The following MYPN variants were observed in gnomAD, a reference collection of about 807,000 sequenced individuals.
The protein encoded by MYPN is sarcomeric protein myopalladin, 145 kDa (MYOP).
A neutral mutation model predicts 129.4 loss-of-function variants in MYPN; 63 were observed. The ratio of observed to expected loss-of-function variants is 0.49; its 90% CI spans 0.40 to 0.60. The LOEUF (loss-of-function observed/expected upper bound fraction) is 0.60. Among genes scored for constraint, MYPN ranks in the 20% least tolerant of loss-of-function variants. The probability of loss-of-function intolerance (pLI) is 0.00; values close to 1 mark genes in which losing one functional copy is unlikely to be tolerated. For synonymous variants in MYPN, 629 were observed against 600.9 expected (o/e 1.05, Z -0.68); for missense variants, 1,596 against 1,635.4 (o/e 0.98, Z 0.42).
At chr10:68,141,531 T>A (rs2042579149) in intron 2 of MYPN, among the ~76,000 whole-genome samples, 1 of 151,994 alleles carries the variant, frequency 6.6e-6, no homozygotes, top group Non-Finnish European at 1.5e-5. Flanking sequence ...TACTTTTTAT[T>A]ATGTTGATTA....
Position 68,174,303 on chromosome 10 carries a change from G to A in MYPN, c.2211G>A (p.Val737=). The stretch of plus-strand genomic sequence containing the variant: ...CCACGAACACCACCGCAGCAACTGT[G>A]GCCCCTTCCAGCTCTCCGGTGTTCA... ...FPSTNTTAAT[V]APSSSPVFTL... Residue 737 remains valine, a synonymous_variant, in exon 11 of 20, where the codon GTG becomes GTA. Transcript: ENST00000358913. 1.9e-6 allele frequency: 3 copies of A among 1,614,118 alleles called. No homozygotes were observed. Among genetic ancestry groups the A allele is most frequent in the Non-Finnish European group, 1.7e-6 (2 of 1,180,030 alleles).
chr10:68,165,918 G>T, intron 9 of MYPN, 100 bp downstream of exon 9: 1 of 1,046,718 alleles, frequency 9.6e-7, no homozygotes, highest in Admixed American at 1.7e-5. Context: ...TACAAAGCTG[G>T]CTTGGCTCTT....
intron 1 of MYPN, among the ~76,000 whole-genome samples, chr10:68,099,899 A>G (rs995071674): frequency 1.3e-5 from 2 of 152,076 alleles, no homozygotes; most frequent in Admixed American, 1.3e-4. Context: ...ATTACTAATG[A>G]GTGTGCAGGC....
At chr10:68,120,171 G>T (rs908388451) in intron 1 of MYPN, among the ~76,000 whole-genome samples, 9 of 152,114 alleles carry the variant, frequency 5.9e-5, no homozygotes, top group African/African-American at 2.2e-4. Flanking sequence ...AGGTCAAGGG[G>T]AAAGTACAGT....
intron 2 of MYPN, among the ~76,000 whole-genome samples, chr10:68,139,787 C>T (rs2042546079): frequency 6.6e-6 from 1 of 152,192 alleles, no homozygotes; most frequent in Non-Finnish European, 1.5e-5. Context: ...TTCAATCTTT[C>T]AACAAACCCA....
chr10:68,172,014 A>C (rs2043152089), intron 10 of MYPN, among the ~76,000 whole-genome samples: 1 of 152,192 alleles, frequency 6.6e-6, no homozygotes, highest in Non-Finnish European at 1.5e-5. Flanking sequence ...AATTTCTTTT[A>C]TATTCCTTAT....
chr10:68,137,121 C>T (rs1301602084), intron 2 of MYPN, among the ~76,000 whole-genome samples: 1 of 151,512 alleles, frequency 6.6e-6, no homozygotes, highest in Non-Finnish European at 1.5e-5. Context: ...AACATGTTAA[C>T]AAAAAAAATT....
At chr10:68,111,658 A>G (rs530435804) in intron 1 of MYPN, among the ~76,000 whole-genome samples, 1 of 152,328 alleles carries the variant, frequency 6.6e-6, no homozygotes, top group South Asian at 2.1e-4. Flanking sequence ...CAGCAGATAT[A>G]TTTTTGGTGG....
intron 12 of MYPN, among the ~76,000 whole-genome samples, chr10:68,178,917 C>A (rs1177000439): frequency 6.6e-6 from 1 of 151,862 alleles, no homozygotes; most frequent in Non-Finnish European, 1.5e-5. Context: ...TCCTCCTTGA[C>A]CTCATTTCTC....
At chr10:68,093,574 TAAAAA>T (rs34247732) in intron 1 of MYPN, among the ~76,000 whole-genome samples, 1 of 106,812 alleles carries the variant, frequency 9.4e-6, no homozygotes, top group African/African-American at 3.4e-5. Flanking sequence ...CCATCTCTAC[TAAAAA>T]AAAAAAAAAA....
intron 12 of MYPN, among the ~76,000 whole-genome samples, chr10:68,180,020 A>G (rs1369626305): frequency 6.6e-6 from 1 of 152,224 alleles, no homozygotes; most frequent in African/African-American, 2.4e-5. Flanking sequence ...CCTTGAAGGT[A>G]GAGTCTGTGT....
At chr10:68,167,037 A>G (rs2134170934) in intron 10 of MYPN, among the ~76,000 whole-genome samples, 1 of 152,238 alleles carries the variant, frequency 6.6e-6, no homozygotes, top group South Asian at 2.1e-4. Flanking sequence ...AGACTTGTCC[A>G]GGAAAAAAAA....
rs905809073 is a variant in MYPN, at chr10:68,211,336, G to C, written c.*881G>C. On this transcript the variant is annotated 3_prime_UTR_variant, in exon 20 of 20. Coordinates refer to ENST00000358913, the MANE Select transcript of MYPN (RefSeq NM_032578.4). ...TTTGCCCATAAAATACACCTCATGG[G>C]CTCCTACCCCTTTCCCCAAAAGTCT... The C allele has an allele frequency of 2.2e-6, 1 of 453,726 alleles. No individual in the cohort carries two copies. The highest frequency in any genetic ancestry group is 4.4e-6 in the Non-Finnish European group (1 of 226,780). 28.1% of individuals were successfully genotyped at this position (453,726 alleles called of 1,614,324 possible).
chr10:68,106,158 T>G (rs761336348), upstream of MYPN: 2 of 454,086 alleles, frequency 4.4e-6, no homozygotes, highest in South Asian at 3.1e-5. Flanking sequence ...TTGATTGATA[T>G]AGGAATGGTG....
upstream of MYPN, among the ~76,000 whole-genome samples, chr10:68,106,371 T>G (rs2042013287): frequency 6.6e-6 from 1 of 152,204 alleles, no homozygotes; most frequent in African/African-American, 2.4e-5. Flanking sequence ...GTGATTTCAT[T>G]GTCTTTTTCA....
intron 10 of MYPN, among the ~76,000 whole-genome samples, chr10:68,168,339 C>T (rs570622074): frequency 6.6e-6 from 1 of 152,166 alleles, no homozygotes; most frequent in Non-Finnish European, 1.5e-5. Flanking sequence ...CCCAAACAAC[C>T]TCCTGGGGAA....
At chr10:68,137,304 T>C (rs984115244) in intron 2 of MYPN, among the ~76,000 whole-genome samples, 16 of 152,334 alleles carry the variant, frequency 1.1e-4, no homozygotes, top group African/African-American at 3.8e-4. Flanking sequence ...TGGGTTGAAG[T>C]AAATTTTTAA....
intron 1 of MYPN, among the ~76,000 whole-genome samples, chr10:68,098,458 A>G (rs1163501795): frequency 6.6e-6 from 1 of 152,194 alleles, no homozygotes; most frequent in Non-Finnish European, 1.5e-5. Context: ...ATGATTGGTG[A>G]ACAAATGACA....
At chr10:68,196,502 AG>A (rs2043609012) in intron 15 of MYPN, among the ~76,000 whole-genome samples, 1 of 27,732 alleles carries the variant, frequency 3.6e-5, no homozygotes, top group East Asian at 4.7e-4. Context: ...TTTTTTTTTG[AG>A]ATGGGGGTCT....
Sources: gnomAD v4.1 joint callset for allele counts (sites outside exome capture counted in the v4.1 genomes callset) on GRCh38, gnomAD v4.1.1 for gene constraint, MANE v1.5 for transcripts, NCBI Gene and HGNC (gene_info 2026-07-23, HGNC 2026-07-21) for gene names.